Variants in FAAH2 observed in about 807,000 individuals in gnomAD.
FAAH2 encodes the protein fatty acid amide hydrolase 2, also known as fatty-acid amide hydrolase 2.
A neutral mutation model predicts 36.9 loss-of-function variants in FAAH2; 60 were observed. That is an observed-to-expected ratio of 1.63 (90% CI 1.32 to 2.02). The LOEUF is 2.02. FAAH2 is among the 30% of genes most tolerant of loss of function. FAAH2 has a pLI of 0.00. For missense variants in FAAH2, 689 were observed against 397.5 expected, an observed-to-expected ratio of 1.73 and a Z score of -6.23; for synonymous variants, 214 against 143.8, an observed-to-expected ratio of 1.49 and a Z score of -3.49.
chrX:57,256,252 A>G, the FAAH2 span, among the ~76,000 whole-genome samples: 1 of 110,937 alleles, frequency 9.0e-6, no homozygotes, highest in Non-Finnish European at 1.9e-5. Flanking sequence ...ACTATAAACC[A>G]CTCCTCAGGA....
intron 7 of FAAH2, among the ~76,000 whole-genome samples, chrX:57,427,110 C>G (rs747231086): frequency 9.0e-6 from 1 of 110,940 alleles, no homozygotes; most frequent in South Asian, 3.8e-4. Flanking sequence ...GCATGAACAA[C>G]TCTATGCTAA....
At chrX:57,438,336 G>T (rs1311673792) in intron 8 of FAAH2, among the ~76,000 whole-genome samples, 2 of 106,157 alleles carry the variant, frequency 1.9e-5, no homozygotes, top group Non-Finnish European at 3.9e-5. Context: ...CAAATAAATG[G>T]AGAAACATCC....
chrX:57,465,031 A>C (rs977358185), intron 10 of FAAH2, among the ~76,000 whole-genome samples: 1 of 112,002 alleles, frequency 8.9e-6, no homozygotes, highest in Non-Finnish European at 1.9e-5. Flanking sequence ...AATAGAGACT[A>C]TCATTGAAGA....
Position 57,381,139 on chromosome X carries a change from A to C in FAAH2, c.996+110A>C. 5.5e-6 allele frequency: 3 copies of C among 546,286 alleles called. 1 individual carries two copies. In the Middle Eastern group the frequency reaches 1.2e-3, roughly 221 times the overall value. The allele number at this position is 546,286 out of a possible 1,213,427, so 45.0% of individuals were successfully genotyped here. On this transcript the variant is annotated intron_variant, in intron 7 of 10. Transcript: ENST00000374900. The stretch of plus-strand genomic sequence containing the variant: ...ATTTCTGTGTCAGCATACGGAATTA[A>C]GGTTTTCAGAACAGTTATACTAAGG...
chrX:57,358,626 G>T (rs2054217735), intron 5 of FAAH2, among the ~76,000 whole-genome samples: 2 of 111,231 alleles, frequency 1.8e-5, no homozygotes, highest in South Asian at 7.5e-4. Context: ...GGACATTTAG[G>T]TTATTCCCAC....
chrX:57,351,803 A>G (rs921425378), intron 5 of FAAH2, among the ~76,000 whole-genome samples: 2 of 106,419 alleles, frequency 1.9e-5, no homozygotes, highest in African/African-American at 6.8e-5. Context: ...CAGACAACGA[A>G]TGAGTAATGA....
chrX:57,170,430 A>T, the FAAH2 span, among the ~76,000 whole-genome samples: 2 of 111,327 alleles, frequency 1.8e-5, no homozygotes, highest in African/African-American at 6.5e-5. Context: ...TGCTGCTATG[A>T]CTATTTTAAT....
At chrX:57,451,407 A>G (rs2056781198) in intron 10 of FAAH2, among the ~76,000 whole-genome samples, 1 of 112,281 alleles carries the variant, frequency 8.9e-6, no homozygotes, top group African/African-American at 3.2e-5. Context: ...ACTATACTGT[A>G]TGCACTGGTG....
chrX:57,425,382 A>G (rs1274162565), intron 7 of FAAH2, among the ~76,000 whole-genome samples: 2 of 111,511 alleles, frequency 1.8e-5, no homozygotes, highest in East Asian at 5.6e-4. Flanking sequence ...TTCTGGAAAA[A>G]TTATTGCAAG....
At chrX:57,291,089 T>A (rs1271665795) in intron 1 of FAAH2, among the ~76,000 whole-genome samples, 1 of 112,071 alleles carries the variant, frequency 8.9e-6, no homozygotes, top group Non-Finnish European at 1.9e-5. Context: ...AAGAACATAT[T>A]CTTGATGGAG....
At chrX:57,201,176 A>G in the FAAH2 span, among the ~76,000 whole-genome samples, 3 of 109,936 alleles carry the variant, frequency 2.7e-5, no homozygotes, top group Admixed American at 1.9e-4. Flanking sequence ...TAATCCCAGC[A>G]CTTTGGGAGG....
intron 7 of FAAH2, among the ~76,000 whole-genome samples, chrX:57,387,393 G>A (rs766700372): frequency 9.0e-6 from 1 of 110,981 alleles, no homozygotes; most frequent in Non-Finnish European, 1.9e-5. Flanking sequence ...GAATAAATGA[G>A]TTCAACCTAA....
chrX:57,354,083 T>C lies in FAAH2; in HGVS notation c.742+12693T>C, dbSNP rs764060373. Among the ~76,000 whole-genome samples the C allele has an allele frequency of 2.7e-5, 3 of 110,788 alleles. No individual in the cohort carries two copies. The East Asian group carries it at 8.5e-4, about 31-fold the overall frequency. ...AACTACTATTTCATCTAGCAATCTC[T>C]CTACTGGATAGCTACCCAAAGGGAA... On this transcript the variant is annotated intron_variant, in intron 5 of 10. Coordinates refer to ENST00000374900, the MANE Select transcript of FAAH2 (RefSeq NM_174912.4).
chrX:57,324,948 C>T (rs964143703), intron 3 of FAAH2, among the ~76,000 whole-genome samples: 6 of 112,130 alleles, frequency 5.4e-5, no homozygotes, highest in East Asian at 2.8e-4. Flanking sequence ...CCAGTTTTTG[C>T]CCATTCAGTA....
At chrX:57,182,938 G>C in the FAAH2 span, among the ~76,000 whole-genome samples, 1 of 110,924 alleles carries the variant, frequency 9.0e-6, no homozygotes, top group Non-Finnish European at 1.9e-5. Flanking sequence ...AACTAATGCA[G>C]AAACAGAAAA....
the FAAH2 span, among the ~76,000 whole-genome samples, chrX:57,123,248 C>G: frequency 9.0e-6 from 1 of 111,241 alleles, no homozygotes; most frequent in African/African-American, 3.3e-5. Context: ...TGAGAACATG[C>G]GGTGTTTGGT....
the FAAH2 span, among the ~76,000 whole-genome samples, chrX:57,193,709 G>A: frequency 9.0e-6 from 1 of 111,415 alleles, no homozygotes; most frequent in Non-Finnish European, 1.9e-5. Flanking sequence ...TGACTATCGG[G>A]GGCACATTCC....
At chrX:57,218,731 G>T in the FAAH2 span, among the ~76,000 whole-genome samples, 26 of 111,704 alleles carry the variant, frequency 2.3e-4, no homozygotes, top group African/African-American at 7.8e-4. Flanking sequence ...ATTAGGGAGG[G>T]TTCCTTCTCT....
the FAAH2 span, among the ~76,000 whole-genome samples, chrX:57,139,829 G>A: frequency 4.6e-4 from 51 of 111,265 alleles, no homozygotes; most frequent in Admixed American, 2.3e-3. Context: ...GGATTGCTTT[G>A]GCCATTCTGA....
Sources: gnomAD v4.1 joint callset for allele counts (sites outside exome capture counted in the v4.1 genomes callset) on GRCh38, gnomAD v4.1.1 for gene constraint, MANE v1.5 for transcripts, NCBI Gene and HGNC (gene_info 2026-07-23, HGNC 2026-07-21) for gene names.